The following UXS1 variants were observed in gnomAD, a reference collection of about 807,000 sequenced individuals.
The protein encoded by UXS1 is UDP-glucuronate decarboxylase 1.
In UXS1, 33 loss-of-function variants were observed where a neutral mutation model predicts 62.6. The ratio of observed to expected loss-of-function variants is 0.53; its 90% confidence interval spans 0.40 to 0.70. The LOEUF is 0.70. Ranked by LOEUF, UXS1 falls within the 30% of genes least tolerant of loss-of-function variation. The pLI, the probability that UXS1 is intolerant of heterozygous loss-of-function variation, is 0.00. For synonymous variants in UXS1, 213 were observed against 206.8 expected (o/e 1.03, Z -0.26); for missense variants, 434 against 556.3 (o/e 0.78, Z 2.21).
At chr2:106,175,391 C>T (rs1683816728) in intron 1 of UXS1, among the ~76,000 whole-genome samples, 1 of 152,218 alleles carries the variant, frequency 6.6e-6, no homozygotes, top group Non-Finnish European at 1.5e-5. Flanking sequence ...AGCAAAGCTA[C>T]ATGGAGCCTT....
intron 9 of UXS1, among the ~76,000 whole-genome samples, chr2:106,119,129 T>A (rs1679311555): frequency 6.6e-6 from 1 of 152,198 alleles, no homozygotes; most frequent in Non-Finnish European, 1.5e-5. Context: ...TGTTGCTGAA[T>A]CTCCCAGCTG....
At chr2:106,161,901 T>C (rs950361123) in intron 4 of UXS1, among the ~76,000 whole-genome samples, 1 of 152,206 alleles carries the variant, frequency 6.6e-6, no homozygotes. Flanking sequence ...TCCAAAAATA[T>C]CTTTAGTTCT....
At chr2:106,158,261 C>A (rs1409132847) in intron 4 of UXS1, 143 bp from the exon 5 acceptor site, 1 of 684,082 alleles carries the variant, frequency 1.5e-6, no homozygotes, top group African/African-American at 1.8e-5. Flanking sequence ...GCTGGAGAAA[C>A]CAAGGAGTCA....
chr2:106,178,195 A>T (rs1684013221), intron 1 of UXS1, among the ~76,000 whole-genome samples: 2 of 151,842 alleles, frequency 1.3e-5, no homozygotes, highest in Non-Finnish European at 2.9e-5. Flanking sequence ...TCACCATGCC[A>T]CCTCCTTCCG....
At chr2:106,182,902 T>C (rs1022188482) in intron 1 of UXS1, among the ~76,000 whole-genome samples, 6 of 152,296 alleles carry the variant, frequency 3.9e-5, no homozygotes, top group East Asian at 1.9e-4. Flanking sequence ...GGTCCTCTCA[T>C]TGAATTAAGA....
chr2:106,157,109 A>C (rs979099923), intron 5 of UXS1, among the ~76,000 whole-genome samples: 2 of 152,152 alleles, frequency 1.3e-5, no homozygotes, highest in African/African-American at 2.4e-5. Context: ...GCCTAAGGGG[A>C]AAATGGAGAG....
Position 106,112,797 on chromosome 2 carries a change from C to T in UXS1, c.760-32G>A, listed in dbSNP as rs375687481. 334 of 1,607,004 alleles carry T rather than the reference C, an allele frequency of 2.1e-4. No homozygotes were observed. In the African/African-American group the frequency reaches 4.0e-3, roughly 19 times the overall value. ...CAGAGAGAAGAGGAGGTCAGGTGTG[C>T]TCCCCTGTGTGGTCCACGCATCCAC... On this transcript the variant is annotated intron_variant, in intron 9 of 14. Transcript: ENST00000283148.
intron 14 of UXS1, among the ~76,000 whole-genome samples, chr2:106,096,442 T>C (rs1209256347): frequency 2.0e-5 from 3 of 152,158 alleles, no homozygotes; most frequent in African/African-American, 7.2e-5. Context: ...GCAGTGTATG[T>C]GTATGAGAGA....
Position 106,138,189 on chromosome 2 carries a change from G to A in UXS1, c.472+7001C>T, listed in dbSNP as rs1017159092. 1.3e-5 allele frequency: 13 copies of A among 985,282 alleles called. No homozygotes were observed. The African/African-American group carries it at 1.7e-4, about 13-fold the overall frequency. 61.0% of individuals were successfully genotyped at this position (985,282 alleles called of 1,614,324 possible). On this transcript the variant is annotated intron_variant, in intron 6 of 14. Coordinates refer to ENST00000283148, the MANE Select transcript of UXS1 (RefSeq NM_001253875.2). ...ATTAACCTCACACTCTTCCCTCCTCGTCGTCTGCTCCAGTCCTGGCTTTCT... is the reference window on the plus strand; with the variant it reads ...ATTAACCTCACACTCTTCCCTCCTCATCGTCTGCTCCAGTCCTGGCTTTCT...
rs1678714893 is a variant in UXS1, at chr2:106,112,661, CT to C, written c.863del (p.Gln288ArgfsTer23). The C allele has an allele frequency of 7.4e-6, 12 of 1,613,880 alleles. No individual in the cohort carries two copies. The highest frequency in any genetic ancestry group is 1.3e-5 in the African/African-American group (1 of 74,952). ...VVSNFILQAL[Q>X]GEPLTVYGSG... The stretch of plus-strand genomic sequence containing the variant: ...CAGCACCTACCGTGAGTGGCTCCCC[CT>C]GGAGCGCCTGCAGGATGAAGTTGCT... On this transcript the variant is annotated frameshift_variant, in exon 10 of 15. Coordinates refer to ENST00000283148, the MANE Select transcript of UXS1 (RefSeq NM_001253875.2). LOFTEE classifies it high-confidence loss of function.
rs534559180 is a variant in UXS1 at position 106,193,031 on chromosome 2, A to ATTAG, written c.94+1116_94+1117insCTAA. On this transcript the variant is annotated intron_variant, in intron 1 of 14. Coordinates refer to ENST00000283148, the MANE Select transcript of UXS1 (RefSeq NM_001253875.2). ...TCCCTTGCAAAACTACACACATCTA[A>ATTAG]CACCCATCCGACGCCTGAAACCTCC... Among the ~76,000 whole-genome samples the ATTAG allele has an allele frequency of 2.3e-3, 348 of 152,146 alleles. 2 individuals are homozygous for ATTAG. Among genetic ancestry groups the ATTAG allele is most frequent in the African/African-American group, 8.0e-3 (334 of 41,506 alleles).
intron 11 of UXS1, 133 bp downstream of exon 11, chr2:106,104,661 A>C: frequency 9.0e-7 from 1 of 1,115,250 alleles, no homozygotes. Context: ...TAAAATTAAA[A>C]ATTTTTAATC....
intron 1 of UXS1, among the ~76,000 whole-genome samples, chr2:106,167,380 C>T (rs1350176192): frequency 1.3e-5 from 2 of 152,162 alleles, no homozygotes; most frequent in Admixed American, 6.5e-5. Context: ...CTCCCTGTCC[C>T]GGGCTGTTAA....
chr2:106,182,002 T>G (rs949299927), intron 1 of UXS1, among the ~76,000 whole-genome samples: 1 of 152,250 alleles, frequency 6.6e-6, no homozygotes, highest in African/African-American at 2.4e-5. Context: ...AGGGCTCATT[T>G]TATTGCTTAC....
intron 5 of UXS1, among the ~76,000 whole-genome samples, chr2:106,154,074 G>A (rs191769653): frequency 6.6e-6 from 1 of 152,236 alleles, no homozygotes; most frequent in Non-Finnish European, 1.5e-5. Flanking sequence ...ACAAATACAG[G>A]ACACCAATAA....
chr2:106,183,312 A>C (rs1468103972), intron 1 of UXS1: 1 of 151,968 alleles, frequency 6.6e-6, no homozygotes, highest in Non-Finnish European at 1.5e-5. Context: ...TAGAACCAGC[A>C]GGCTTTGCTT....
chr2:106,193,890 G>T (rs1685097710), intron 1 of UXS1, among the ~76,000 whole-genome samples: 1 of 151,940 alleles, frequency 6.6e-6, no homozygotes, highest in South Asian at 2.1e-4. Context: ...CAGAGACCTG[G>T]GGCCGCCCGA....
intron 7 of UXS1, 85 bp downstream of exon 7, chr2:106,129,589 C>G: frequency 2.6e-6 from 3 of 1,157,690 alleles, no homozygotes; most frequent in South Asian, 2.6e-5. Context: ...AGATCAAACT[C>G]TAGTAGAAGA....
chr2:106,114,947 T>C (rs1261553167), intron 9 of UXS1, among the ~76,000 whole-genome samples: 1 of 152,208 alleles, frequency 6.6e-6, no homozygotes, highest in Non-Finnish European at 1.5e-5. Context: ...TGGTGTCTTC[T>C]GGAGTTTGTA....
Sources: allele counts gnomAD v4.1 joint callset (sites outside exome capture counted in the v4.1 genomes callset), GRCh38; gene constraint gnomAD v4.1.1; transcripts MANE v1.5; gene names NCBI Gene and HGNC (gene_info 2026-07-23, HGNC 2026-07-21).